Variants in TENM2 observed in about 807,000 individuals in gnomAD.
TENM2 encodes teneurin-2.
Under a neutral mutation model 245.2 loss-of-function variants are expected in TENM2, and 52 were observed. The ratio of observed to expected loss-of-function variants is 0.21; its 90% confidence interval spans 0.17 to 0.27. The LOEUF (loss-of-function observed/expected upper bound fraction) is 0.27, where lower values mean the gene tolerates loss of function less well. Among genes scored for constraint, TENM2 ranks in the 10% least tolerant of loss-of-function variants. TENM2 has a pLI of 1.00. For synonymous variants in TENM2, 1,363 were observed against 1,438.9 expected (o/e 0.95, Z 1.19); for missense variants, 3,046 against 3,666.8 (o/e 0.83, Z 4.37).
chr5:168,057,329 ACACT>A (rs567834931), intron 6 of TENM2, among the ~76,000 whole-genome samples: 4 of 151,474 alleles, frequency 2.6e-5, no homozygotes, highest in Admixed American at 6.6e-5. Flanking sequence ...ACACACACAC[ACACT>A]CACTCACACT....
At chr5:167,302,019 C>T (rs1021514650) in intron 1 of TENM2, among the ~76,000 whole-genome samples, 11 of 151,878 alleles carry the variant, frequency 7.2e-5, no homozygotes, top group Non-Finnish European at 1.0e-4. Context: ...AGACTCACGA[C>T]GCTTGGGGTT....
At chr5:167,409,599 C>T (rs1161434293) in intron 2 of TENM2, among the ~76,000 whole-genome samples, 2 of 151,918 alleles carry the variant, frequency 1.3e-5, no homozygotes, top group Non-Finnish European at 2.9e-5. Flanking sequence ...TTAACAGCGG[C>T]ATGCATACAT....
chr5:167,099,470 C>T, the TENM2 span, among the ~76,000 whole-genome samples: 3 of 152,178 alleles, frequency 2.0e-5, no homozygotes, highest in East Asian at 1.9e-4. Context: ...CCGAGGCGGG[C>T]GGATCGCCTG....
Position 168,183,857 on chromosome 5 carries a change from A to G in TENM2, c.2570-6480A>G, listed in dbSNP as rs33945493. On this transcript the variant is annotated intron_variant, in intron 13 of 28. Transcript: ENST00000518659. ...ACTCAAAAAGAAAAAGAAAAAAAAA[A>G]CATAGAAATGACTCAGAAGCACTTA... 7.0e-3 allele frequency among the ~76,000 whole-genome samples: 1,066 copies of G among 151,920 alleles called. 16 individuals carry two copies. The highest frequency in any genetic ancestry group is 0.024 in the African/African-American group (1,000 of 41,304).
At chr5:167,446,988 A>G (rs1268417034) in intron 2 of TENM2, among the ~76,000 whole-genome samples, 1 of 152,240 alleles carries the variant, frequency 6.6e-6, no homozygotes, top group Non-Finnish European at 1.5e-5. Context: ...CCAAAACTCG[A>G]AATGCTCCAA....
intron 28 of TENM2, 125 bp from the exon 31 acceptor site, chr5:168,261,924 C>A: frequency 1.1e-6 from 1 of 911,992 alleles, no homozygotes; most frequent in Non-Finnish European, 1.7e-6. Context: ...CTCCCAACAG[C>A]TCAGATCTGG....
At chr5:168,214,443 T>C (rs1562288876) in intron 20 of TENM2, among the ~76,000 whole-genome samples, 5 of 152,232 alleles carry the variant, frequency 3.3e-5, no homozygotes, top group Admixed American at 2.0e-4. Context: ...ACCAGCAAGA[T>C]ACCCACATTT....
intron 2 of TENM2, among the ~76,000 whole-genome samples, chr5:167,715,511 C>G (rs1402301252): frequency 6.6e-5 from 10 of 152,130 alleles, no homozygotes; most frequent in African/African-American, 2.4e-4. Flanking sequence ...ATTGTTTTAA[C>G]CCCTGGGATG....
chr5:167,794,405 A>G (rs1380332523), intron 2 of TENM2, among the ~76,000 whole-genome samples: 2 of 152,202 alleles, frequency 1.3e-5, no homozygotes, highest in African/African-American at 4.8e-5. Flanking sequence ...CATCAGTAGC[A>G]ATTCCTCTAC....
At chr5:167,734,975 C>T (rs1047934626) in intron 2 of TENM2, among the ~76,000 whole-genome samples, 1 of 152,156 alleles carries the variant, frequency 6.6e-6, no homozygotes, top group Non-Finnish European at 1.5e-5. Context: ...CAAACAGGGT[C>T]TCCAAATATC....
intron 1 of TENM2, among the ~76,000 whole-genome samples, chr5:167,370,444 T>G (rs1760345939): frequency 6.7e-6 from 1 of 150,188 alleles, no homozygotes; most frequent in Non-Finnish European, 1.5e-5. Context: ...AAGATATTTA[T>G]CAAGAGAGTT....
intron 2 of TENM2, among the ~76,000 whole-genome samples, chr5:167,486,027 C>T (rs961506716): frequency 5.9e-5 from 9 of 151,962 alleles, no homozygotes; most frequent in Non-Finnish European, 1.5e-5. Context: ...AAATACCTCC[C>T]CTTAGTAGTC....
chr5:168,110,180 C>G (rs1311060794), intron 9 of TENM2, among the ~76,000 whole-genome samples: 3 of 151,300 alleles, frequency 2.0e-5, no homozygotes, highest in African/African-American at 7.3e-5. Flanking sequence ...ATGGGAAAAA[C>G]TTTCGTGCTG....
At chr5:167,146,443 G>C in the TENM2 span, among the ~76,000 whole-genome samples, 2 of 152,088 alleles carry the variant, frequency 1.3e-5, no homozygotes, top group Admixed American at 1.3e-4. Context: ...TGTAACGCAG[G>C]TTCGGTTCTT....
chr5:168,243,588 T>A (rs1400726175), intron 25 of TENM2, among the ~76,000 whole-genome samples: 1 of 152,200 alleles, frequency 6.6e-6, no homozygotes, highest in Non-Finnish European at 1.5e-5. Context: ...CATAAGAAAT[T>A]ATGGCACCTG....
At chr5:168,158,850 T>TATATATATATATATATATATAAAC (rs1339051385) in intron 12 of TENM2, among the ~76,000 whole-genome samples, 1 of 62,334 alleles carries the variant, frequency 1.6e-5, no homozygotes. Context: ...TATATATATA[T>TATATATATATATATATATATAAAC]ACACACACAC....
chr5:167,935,727 G>A (rs1368254562), intron 3 of TENM2, among the ~76,000 whole-genome samples: 1 of 152,170 alleles, frequency 6.6e-6, no homozygotes, highest in Non-Finnish European at 1.5e-5. Flanking sequence ...TCTGCTAGCT[G>A]CTGGCATTCA....
At chr5:167,634,571 C>T (rs763199050) in intron 2 of TENM2, among the ~76,000 whole-genome samples, 4 of 151,376 alleles carry the variant, frequency 2.6e-5, no homozygotes, top group Non-Finnish European at 5.9e-5. Flanking sequence ...ACTGCTGGTG[C>T]TAGGACTCAC....
intron 27 of TENM2, among the ~76,000 whole-genome samples, chr5:168,253,716 C>T (rs537231496): frequency 5.9e-5 from 9 of 152,290 alleles, no homozygotes; most frequent in Middle Eastern, 3.4e-3. Context: ...TGAGCCACCG[C>T]GCCTGGCTAC....
Sources: gnomAD v4.1 joint callset for allele counts (sites outside exome capture counted in the v4.1 genomes callset) on GRCh38, gnomAD v4.1.1 for gene constraint, MANE v1.5 for transcripts, NCBI Gene and HGNC (gene_info 2026-07-23, HGNC 2026-07-21) for gene names.